The following GPHN variants were observed in gnomAD, a reference collection of about 807,000 sequenced individuals.
GPHN encodes the protein gephyrin.
Under a neutral mutation model 95.5 loss-of-function variants are expected in GPHN, and 17 were observed. That is an observed-to-expected ratio of 0.18 (90% CI 0.12 to 0.27). The LOEUF (loss-of-function observed/expected upper bound fraction) is 0.27. Ranked by LOEUF, GPHN falls within the 10% of genes least tolerant of loss-of-function variation. The pLI is 1.00. For synonymous variants in GPHN, 320 were observed against 322.5 expected (o/e 0.99, Z 0.08); for missense variants, 660 against 978.1 (o/e 0.67, Z 4.34).
At chr14:67,601,366 G>T in the GPHN span, among the ~76,000 whole-genome samples, 1 of 152,160 alleles carries the variant, frequency 6.6e-6, no homozygotes, top group Admixed American at 6.5e-5. Context: ...GGCAGGTAGG[G>T]GTCAGATCCA....
chr14:67,479,693 A>C, the GPHN span, among the ~76,000 whole-genome samples: 1 of 152,136 alleles, frequency 6.6e-6, no homozygotes, highest in Non-Finnish European at 1.5e-5. Context: ...ACTCTAGCCT[A>C]GGTGACAGAG....
chr14:67,341,789 T>A, the GPHN span, among the ~76,000 whole-genome samples: 2 of 152,222 alleles, frequency 1.3e-5, no homozygotes, highest in East Asian at 3.8e-4. Flanking sequence ...GGTTGCTGTG[T>A]CTGTGTAGAA....
At chr14:66,990,567 A>G (rs1691897123) in intron 9 of GPHN, among the ~76,000 whole-genome samples, 1 of 152,172 alleles carries the variant, frequency 6.6e-6, no homozygotes, top group African/African-American at 2.4e-5. Context: ...TTTTCAAGGA[A>G]AATAATTACT....
the GPHN span, among the ~76,000 whole-genome samples, chr14:67,246,541 AT>A: frequency 6.6e-6 from 1 of 151,382 alleles, no homozygotes; most frequent in Non-Finnish European, 1.5e-5. Flanking sequence ...AGATCTCCCT[AT>A]ATTGCCCAAG....
chr14:67,398,039 T>A, the GPHN span: 54,709 of 391,224 alleles, frequency 0.14, 7,821 homozygotes, highest in East Asian at 0.47. Context: ...TTCTCTGGTT[T>A]TAAATCTTGA....
chr14:67,157,351 C>A (rs1032672962), intron 18 of GPHN, among the ~76,000 whole-genome samples: 1 of 151,802 alleles, frequency 6.6e-6, no homozygotes, highest in Non-Finnish European at 1.5e-5. Context: ...ATAATATAAC[C>A]TCAAAATGAA....
intron 3 of GPHN, among the ~76,000 whole-genome samples, chr14:66,810,766 CT>C (rs2060728718): frequency 6.6e-6 from 1 of 152,018 alleles, no homozygotes; most frequent in African/African-American, 2.4e-5. Flanking sequence ...ATATCAGATG[CT>C]TTCTGTTCTC....
At chr14:67,080,183 T>C (rs1486643713) in intron 11 of GPHN, among the ~76,000 whole-genome samples, 1 of 152,156 alleles carries the variant, frequency 6.6e-6, no homozygotes, top group African/African-American at 2.4e-5. Context: ...TGAGCATCTT[T>C]TTATATTCTC....
At chr14:66,678,598 G>A (rs1017623293) in intron 1 of GPHN, among the ~76,000 whole-genome samples, 3 of 150,754 alleles carry the variant, frequency 2.0e-5, no homozygotes, top group African/African-American at 7.4e-5. Flanking sequence ...TTGGGGCTCT[G>A]TTATTGGAGA....
chr14:66,778,389 TTTACA>T (rs1309811564), intron 3 of GPHN, among the ~76,000 whole-genome samples: 50 of 152,304 alleles, frequency 3.3e-4, no homozygotes, highest in East Asian at 1.9e-4. Flanking sequence ...CAATTAAAAA[TTTACA>T]TTACAGTAAT....
At chr14:67,608,249 A>G in the GPHN span, among the ~76,000 whole-genome samples, 1 of 152,120 alleles carries the variant, frequency 6.6e-6, no homozygotes, top group African/African-American at 2.4e-5. Context: ...AAAAAAAGAA[A>G]AAGAGAAAAA....
At chr14:67,675,906 G>A in the GPHN span, among the ~76,000 whole-genome samples, 1 of 152,050 alleles carries the variant, frequency 6.6e-6, no homozygotes, top group African/African-American at 2.4e-5. Context: ...GACCAGCCTG[G>A]CCAACATGGT....
the GPHN span, among the ~76,000 whole-genome samples, chr14:67,549,645 A>G: frequency 6.6e-6 from 1 of 152,166 alleles, no homozygotes. Context: ...CTCAGGAACC[A>G]TGTATGGATG....
At chr14:67,084,215 T>C (rs113433187) in intron 11 of GPHN, among the ~76,000 whole-genome samples, 3 of 152,352 alleles carry the variant, frequency 2.0e-5, no homozygotes, top group African/African-American at 7.2e-5. Flanking sequence ...TTCTCTGTTT[T>C]ATCACCAAAG....
intron 11 of GPHN, among the ~76,000 whole-genome samples, chr14:67,077,333 C>G (rs1595048782): frequency 6.6e-6 from 1 of 152,008 alleles, no homozygotes; most frequent in African/African-American, 2.4e-5. Flanking sequence ...GTAAGCATCC[C>G]GAGCACATGT....
chr14:66,703,020 C>G (rs191000588), intron 2 of GPHN, among the ~76,000 whole-genome samples: 2 of 143,148 alleles, frequency 1.4e-5, no homozygotes, highest in African/African-American at 2.9e-5. Flanking sequence ...ATAGCCGAAT[C>G]GACCAAGTGG....
At chr14:66,531,366 C>G (rs564031569) in intron 1 of GPHN, among the ~76,000 whole-genome samples, 1 of 152,094 alleles carries the variant, frequency 6.6e-6, no homozygotes, top group South Asian at 2.1e-4. Context: ...ACCTGGGAGG[C>G]GGAGGTTGCA....
the GPHN span, among the ~76,000 whole-genome samples, chr14:67,499,770 T>C: frequency 3.6e-4 from 55 of 152,134 alleles, no homozygotes; most frequent in African/African-American, 1.2e-3. Context: ...GAAGGGCTGG[T>C]TATTTAATGG....
At chr14:66,876,560 G>A (rs1214448170) in intron 4 of GPHN, among the ~76,000 whole-genome samples, 1 of 152,018 alleles carries the variant, frequency 6.6e-6, no homozygotes, top group Non-Finnish European at 1.5e-5. Flanking sequence ...ATGATAAATG[G>A]GATATCACAC....
Sources: allele counts gnomAD v4.1 joint callset (sites outside exome capture counted in the v4.1 genomes callset), GRCh38; gene constraint gnomAD v4.1.1; transcripts MANE v1.5; gene names NCBI Gene and HGNC (gene_info 2026-07-23, HGNC 2026-07-21).